The following GSTM2 variants were observed in gnomAD, a reference collection of about 807,000 sequenced individuals.
GSTM2 encodes the protein GST class-mu 2.
A neutral mutation model predicts 33.3 loss-of-function variants in GSTM2; 33 were observed. The ratio of observed to expected loss-of-function variants is 0.99; its 90% CI spans 0.75 to 1.33. The LOEUF is 1.33. Among genes scored for constraint, GSTM2 ranks in the 40% most tolerant of loss-of-function variants. The pLI is 0.00. For synonymous variants in GSTM2, 93 were observed against 95.6 expected (o/e 0.97, Z 0.16); for missense variants, 213 against 265.8 (o/e 0.80, Z 1.38).
downstream of GSTM2, among the ~76,000 whole-genome samples, chr1:109,678,246 G>A (rs1010573388): frequency 6.6e-6 from 1 of 152,154 alleles, no homozygotes; most frequent in African/African-American, 2.4e-5. Context: ...CTGGGTTCAA[G>A]CGATTCTCTT....
intron 7 of GSTM2, chr1:109,673,226 G>A (rs780306847): frequency 6.2e-7 from 1 of 1,612,036 alleles, no homozygotes; most frequent in South Asian, 1.1e-5. Context: ...GAGATGAGTA[G>A]CACGCTGATT....
In GSTM2 at chr1:109,669,493, G is replaced by C; in HGVS notation, c.282G>C (p.Gln94His). 1 of 1,614,028 alleles carries C rather than the reference G, an allele frequency of 6.2e-7. No homozygotes were observed. ...TAGGCGGGGAATCAGAAAAGGAGCA[G>C]ATTCGCGAAGACATTTTGGAGAACC... ...HNLCGESEKE[Q>H]IREDILENQF... is the part of the protein sequence containing the mutation. The change falls in exon 5 of 8, where the codon CAG becomes CAC. Residue 94 changes from glutamine (Q) to histidine (H), a missense_variant. By Grantham distance (24) the Gln-to-His change is conservative. Coordinates refer to ENST00000241337, the MANE Select transcript of GSTM2 (RefSeq NM_000848.4).
chr1:109,668,313 G>A, intron 1 of GSTM2, 112 bp from the exon 2 acceptor site: 2 of 1,387,198 alleles, frequency 1.4e-6, no homozygotes, highest in Non-Finnish European at 2.0e-6. Context: ...CGTGCGGGGT[G>A]GGGGCGGGTG....
chr1:109,675,737 C>T (rs990769607), downstream of GSTM2, among the ~76,000 whole-genome samples: 7 of 152,182 alleles, frequency 4.6e-5, no homozygotes, highest in African/African-American at 1.7e-4. Flanking sequence ...AGGCTTGCTG[C>T]ACAGCTGTCA....
chr1:109,668,662 C>T, intron 2 of GSTM2, 162 bp downstream of exon 2: 2 of 902,216 alleles, frequency 2.2e-6, no homozygotes, highest in South Asian at 3.0e-5. Flanking sequence ...AGGCAGAATG[C>T]TGGGGCGGGA....
At chr1:109,674,373 G>C (rs1192031013) in intron 7 of GSTM2, among the ~76,000 whole-genome samples, 2 of 152,026 alleles carry the variant, frequency 1.3e-5, no homozygotes, top group Non-Finnish European at 2.9e-5. Flanking sequence ...CCCCTTACTA[G>C]GTATTTAAAT....
chr1:109,674,209 G>C (rs2101256546), intron 7 of GSTM2, among the ~76,000 whole-genome samples: 1 of 152,218 alleles, frequency 6.6e-6, no homozygotes, highest in South Asian at 2.1e-4. Flanking sequence ...ACCCAGACAA[G>C]CCAAGAGCCT....
At chr1:109,669,407 C>A (rs372504583) in intron 4 of GSTM2, 36 bp downstream of exon 4, 85 of 1,613,500 alleles carry the variant, frequency 5.3e-5, no homozygotes, top group Non-Finnish European at 7.1e-5. Flanking sequence ...GGGGAGGGAC[C>A]GTGGCCTCCT....
At chr1:109,669,603 C>G in intron 5 of GSTM2, 32 bp downstream of exon 5, 1 of 1,308,528 alleles carries the variant, frequency 7.6e-7, no homozygotes, top group Non-Finnish European at 1.1e-6. Context: ...CCAGTCTCCC[C>G]TTCCCTACTC....
chr1:109,672,943 C>T (rs1339157323), intron 7 of GSTM2, among the ~76,000 whole-genome samples: 1 of 150,402 alleles, frequency 6.6e-6, no homozygotes, highest in African/African-American at 2.5e-5. Context: ...AATCTCGGCT[C>T]ACTGCAACCT....
chr1:109,671,104 C>G, intron 5 of GSTM2, 183 bp from the exon 6 acceptor site: 1 of 603,398 alleles, frequency 1.7e-6, no homozygotes, highest in South Asian at 2.0e-5. Context: ...AAGACTCCAG[C>G]TACCCAGTTG....
chr1:109,673,412 A>G, intron 7 of GSTM2: 1 of 830,588 alleles, frequency 1.2e-6, no homozygotes, highest in Non-Finnish European at 1.8e-6. Flanking sequence ...ATTACTACAG[A>G]TTTGGGGATT....
chr1:109,678,462 A>C (rs1647759899), downstream of GSTM2, among the ~76,000 whole-genome samples: 1 of 152,128 alleles, frequency 6.6e-6, no homozygotes, highest in South Asian at 2.1e-4. Context: ...AAATCTGTAT[A>C]TGGGCTGGGC....
chr1:109,679,132 G>T (rs1349684931), downstream of GSTM2, among the ~76,000 whole-genome samples: 2 of 152,006 alleles, frequency 1.3e-5, no homozygotes, highest in African/African-American at 4.8e-5. Context: ...ACACTTAGGA[G>T]ATCGCGATTT....
At chr1:109,668,262 AGCGG>A in intron 1 of GSTM2, 111 bp downstream of exon 1, 3 of 1,333,482 alleles carry the variant, frequency 2.2e-6, no homozygotes, top group Non-Finnish European at 3.2e-6. Context: ...TGTCCCTGAC[AGCGG>A]GGTCTGTGCT....
Position 109,674,730 on chromosome 1 carries a change from A to G in GSTM2, c.568-17A>G, listed in dbSNP as rs1468228788. 1.3e-5 allele frequency: 21 copies of G among 1,613,876 alleles called. No homozygotes were observed. The highest frequency in any genetic ancestry group is 1.8e-5 in the Non-Finnish European group (21 of 1,179,978). ...GCAGCTGACCTTGAGTTCTGGCCTTATTTTCCCCCCTCTCAGGGCTTGGAG... is the reference window on the plus strand; with the variant it reads ...GCAGCTGACCTTGAGTTCTGGCCTTGTTTTCCCCCCTCTCAGGGCTTGGAG... On this transcript the variant is annotated splice_polypyrimidine_tract_variant and intron_variant, in intron 7 of 7. Coordinates refer to ENST00000241337, the MANE Select transcript of GSTM2 (RefSeq NM_000848.4).
chr1:109,671,021 G>A, intron 5 of GSTM2: 1 of 458,538 alleles, frequency 2.2e-6, no homozygotes, highest in East Asian at 3.5e-5. Flanking sequence ...CTGACCCAGA[G>A]GTTGTTGGGA....
downstream of GSTM2, among the ~76,000 whole-genome samples, chr1:109,679,025 A>G (rs1436644597): frequency 2.0e-5 from 3 of 152,182 alleles, no homozygotes; most frequent in Non-Finnish European, 2.9e-5. Flanking sequence ...GACTGGTTTA[A>G]TGGTATTACA....
chr1:109,673,001 C>G (rs1358707060), intron 7 of GSTM2, among the ~76,000 whole-genome samples: 1 of 151,754 alleles, frequency 6.6e-6, no homozygotes. Flanking sequence ...TCTTGAGTAG[C>G]TGGGATTACA....
Sources: allele counts gnomAD v4.1 joint callset (sites outside exome capture counted in the v4.1 genomes callset), GRCh38; gene constraint gnomAD v4.1.1; transcripts MANE v1.5; gene names NCBI Gene and HGNC (gene_info 2026-07-23, HGNC 2026-07-21).